Variants in RBPJ observed in about 807,000 individuals in gnomAD.
RBPJ encodes recombination signal binding protein for immunoglobulin kappa J region, also known as recombining binding protein suppressor of hairless.
RBPJ carries 9 observed loss-of-function variants against 67.8 expected under a neutral mutation model. The observed-to-expected ratio is 0.13, with a 90% CI of 0.08 to 0.23. The LOEUF (loss-of-function observed/expected upper bound fraction) is 0.23. Among genes scored for constraint, RBPJ ranks in the 10% least tolerant of loss-of-function variants. RBPJ has a pLI of 1.00. For synonymous variants in RBPJ, 198 were observed against 203.3 expected, an observed-to-expected ratio of 0.97 and a Z score of 0.22; for missense variants, 305 against 595.6, an observed-to-expected ratio of 0.51 and a Z score of 5.08.
chr4:26,394,709 T>A (rs921609552), intron 2 of RBPJ, among the ~76,000 whole-genome samples: 3 of 152,138 alleles, frequency 2.0e-5, no homozygotes, highest in Non-Finnish European at 2.9e-5. Flanking sequence ...AAAGAGATAT[T>A]ATTCGACTTA....
At chr4:26,125,517 G>A in the RBPJ span, among the ~76,000 whole-genome samples, 1 of 152,160 alleles carries the variant, frequency 6.6e-6, no homozygotes, top group East Asian at 1.9e-4. Context: ...GGCCCTCTTG[G>A]GTCAGGTGCA....
chr4:26,169,714 T>A (rs1363962441), intron 1 of RBPJ, among the ~76,000 whole-genome samples: 4 of 152,236 alleles, frequency 2.6e-5, no homozygotes, highest in African/African-American at 9.6e-5. Flanking sequence ...CCTTGAGCTG[T>A]GGTGGGCTCC....
rs1174629391 is a variant in RBPJ at position 26,430,187 on chromosome 4, T to G, written c.1044+134T>G. ...TTAGGGGATTTTTATATACACCATT[T>G]GTTGATTTAAAGAAAAAAAAACAAA... On this transcript the variant is annotated intron_variant, in intron 9 of 10. Transcript: ENST00000355476. This position sits in a 1 kb window ranked among gnomAD's most constrained non-coding sequence, Gnocchi z 4.1. The G allele has an allele frequency of 9.2e-7, 1 of 1,090,440 alleles. No homozygotes were observed. Among genetic ancestry groups the G allele is most frequent in the Non-Finnish European group, 1.3e-6 (1 of 742,660 alleles). The allele number at this position is 1,090,440 out of a possible 1,614,324, so 67.5% of individuals were successfully genotyped here. A position where few individuals can be genotyped will look rare whatever the true frequency, so the allele number is the denominator to read the frequency against.
At chr4:26,268,177 A>C (rs571279885) in intron 1 of RBPJ, among the ~76,000 whole-genome samples, 52 of 152,304 alleles carry the variant, frequency 3.4e-4, no homozygotes, top group African/African-American at 1.1e-3. Flanking sequence ...GATTTAGCTT[A>C]AACTTCCCTC....
intron 1 of RBPJ, among the ~76,000 whole-genome samples, chr4:26,293,323 T>C (rs1162845785): frequency 6.7e-6 from 1 of 150,134 alleles, no homozygotes; most frequent in Non-Finnish European, 1.5e-5. Flanking sequence ...TTTTTTTTTA[T>C]TTTGTTTATT....
chr4:26,379,489 G>A (rs1018273543), intron 1 of RBPJ, among the ~76,000 whole-genome samples: 5 of 152,160 alleles, frequency 3.3e-5, no homozygotes, highest in African/African-American at 9.7e-5. Context: ...AGAAGGCAAA[G>A]GAGAGACAAG....
upstream of RBPJ, among the ~76,000 whole-genome samples, chr4:26,315,431 C>T (rs1300422211): frequency 1.3e-5 from 2 of 151,322 alleles, no homozygotes; most frequent in East Asian, 1.9e-4. Flanking sequence ...AGGGGGTGTA[C>T]GAACAGGGAG....
At chr4:26,249,039 G>T (rs771929801) in intron 1 of RBPJ, among the ~76,000 whole-genome samples, 2 of 152,148 alleles carry the variant, frequency 1.3e-5, no homozygotes, top group African/African-American at 4.8e-5. Context: ...TCTTCCTACA[G>T]GTGTAGTAGT....
chr4:26,368,587 G>A (rs140354082), intron 1 of RBPJ, among the ~76,000 whole-genome samples: 81 of 152,164 alleles, frequency 5.3e-4, no homozygotes, highest in Middle Eastern at 3.4e-3. Context: ...AAATTTCTCC[G>A]CCTAGAGTGT....
At chr4:26,305,771 CTT>C (rs71276617) in intron 1 of RBPJ, among the ~76,000 whole-genome samples, 124 of 67,764 alleles carry the variant, frequency 1.8e-3, no homozygotes, top group African/African-American at 7.0e-3. Flanking sequence ...ATTTTCTTTT[CTT>C]TTTTTTTTTT....
At chr4:26,214,974 G>GGGAGGGA (rs1560214221) in intron 1 of RBPJ, among the ~76,000 whole-genome samples, 1 of 17,266 alleles carries the variant, frequency 5.8e-5, no homozygotes, top group African/African-American at 3.5e-4. Context: ...GAGGGAGGGA[G>GGGAGGGA]GGAAGGAAGG....
At chr4:26,412,721 A>G (rs897311004) in intron 3 of RBPJ, among the ~76,000 whole-genome samples, 9 of 152,152 alleles carry the variant, frequency 5.9e-5, no homozygotes, top group Non-Finnish European at 1.2e-4. Context: ...CTTAACATCA[A>G]TGTTCAATTA....
At chr4:26,248,567 C>T (rs1720000465) in intron 1 of RBPJ, among the ~76,000 whole-genome samples, 1 of 151,910 alleles carries the variant, frequency 6.6e-6, no homozygotes, top group African/African-American at 2.4e-5. Context: ...GTAGCCAGTA[C>T]AAATTTTAAT....
intron 1 of RBPJ, among the ~76,000 whole-genome samples, chr4:26,209,099 AT>A (rs200389417): frequency 3.3e-3 from 125 of 38,278 alleles, no homozygotes; most frequent in African/African-American, 8.9e-3. Context: ...AAGAAAAAAA[AT>A]ATATATATAT....
chr4:26,261,877 A>G (rs1040962470), intron 1 of RBPJ, among the ~76,000 whole-genome samples: 1 of 152,118 alleles, frequency 6.6e-6, no homozygotes, highest in Non-Finnish European at 1.5e-5. Flanking sequence ...TTATACCAGA[A>G]CTTTTAAATG....
intron 1 of RBPJ, among the ~76,000 whole-genome samples, chr4:26,216,091 G>C (rs1439963309): frequency 6.6e-6 from 1 of 152,072 alleles, no homozygotes; most frequent in Non-Finnish European, 1.5e-5. Flanking sequence ...TGTGCTTTTT[G>C]GCTCATGGCT....
chr4:26,206,891 T>C (rs1718188820), intron 1 of RBPJ, among the ~76,000 whole-genome samples: 1 of 152,104 alleles, frequency 6.6e-6, no homozygotes, highest in South Asian at 2.1e-4. Flanking sequence ...AGGATTGTAC[T>C]AAATGCCTAA....
intron 1 of RBPJ, among the ~76,000 whole-genome samples, chr4:26,330,785 G>A (rs1425032006): frequency 4.6e-5 from 7 of 152,188 alleles, no homozygotes; most frequent in East Asian, 1.9e-4. Flanking sequence ...TTTGATGAAC[G>A]ATGATGAAGC....
intron 1 of RBPJ, among the ~76,000 whole-genome samples, chr4:26,282,218 A>G (rs534452916): frequency 6.8e-6 from 1 of 146,616 alleles, no homozygotes; most frequent in East Asian, 2.0e-4. Context: ...TAGTAGGATC[A>G]TGTCACCAAG....
Sources: gnomAD v4.1 joint callset for allele counts (sites outside exome capture counted in the v4.1 genomes callset) on GRCh38, gnomAD v4.1.1 for gene constraint, Gnocchi (gnomAD v3.1) non-coding constraint, MANE v1.5 for transcripts, NCBI Gene and HGNC (gene_info 2026-07-23, HGNC 2026-07-21) for gene names.